Variants in TRAPPC9 observed in about 807,000 individuals in gnomAD.
TRAPPC9 encodes the protein IKK2 binding protein.
Under a neutral mutation model 124.0 loss-of-function variants are expected in TRAPPC9, and 83 were observed. That is an observed-to-expected ratio of 0.67 (90% CI 0.56 to 0.80). TRAPPC9 has a LOEUF of 0.80. Among genes scored for constraint, TRAPPC9 ranks in the 30% least tolerant of loss-of-function variants. The probability of loss-of-function intolerance (pLI) is 0.00; values close to 1 mark genes in which losing one functional copy is unlikely to be tolerated. For missense variants in TRAPPC9, 1,302 were observed against 1,508.3 expected, an observed-to-expected ratio of 0.86 and a Z score of 2.27; for synonymous variants, 638 against 617.5, an observed-to-expected ratio of 1.03 and a Z score of -0.49.
intron 19 of TRAPPC9, among the ~76,000 whole-genome samples, chr8:139,945,789 T>G (rs977626576): frequency 6.6e-6 from 1 of 152,180 alleles, no homozygotes; most frequent in African/African-American, 2.4e-5. Context: ...TCGACTCTAG[T>G]GAAGGATGTA....
rs267607136 is a variant in TRAPPC9, at chr8:140,397,625, G to C, written c.1129C>G (p.Arg377Gly). 1 of 1,614,018 alleles carries C rather than the reference G, an allele frequency of 6.2e-7. No homozygotes were observed. Among genetic ancestry groups the C allele is most frequent in the Non-Finnish European group, 8.5e-7 (1 of 1,179,954 alleles). The change falls in exon 7 of 23, where the codon CGA (arginine) becomes GGA (glycine). Residue 377 changes from arginine to glycine, a missense_variant. Physicochemically the swap from Arg to Gly is moderately radical, Grantham distance 125. This residue lies in a region of TRAPPC9 where 657 missense variants were observed against 811.2 expected (regional missense o/e 0.81). Transcript: ENST00000438773. Reference protein sequence around the residue: ...FLQNAVYINLRQLSEEEKIQR... With the variant: ...FLQNAVYINLGQLSEEEKIQR... ...ACAGGTAGACATACACTCACCTGTC[G>C]AAGGTTAATGTAAACTGCATTCTGA...
At chr8:139,977,795 C>T (rs13259016) in intron 19 of TRAPPC9, among the ~76,000 whole-genome samples, 75,033 of 151,120 alleles carry the variant, frequency 0.5, 19,610 homozygotes, top group Middle Eastern at 0.63. Flanking sequence ...ATTCCCCTGC[C>T]TTAGCCTCCC....
chr8:140,015,240 G>A (rs372179417), intron 18 of TRAPPC9, among the ~76,000 whole-genome samples: 1 of 152,202 alleles, frequency 6.6e-6, no homozygotes, highest in South Asian at 2.1e-4. Context: ...CTAGATGCCA[G>A]CCCTGTCACC....
At chr8:139,861,855 G>C (rs919961974) in intron 21 of TRAPPC9, among the ~76,000 whole-genome samples, 2 of 152,040 alleles carry the variant, frequency 1.3e-5, no homozygotes, top group African/African-American at 4.8e-5. Context: ...ACAAAAGCAG[G>C]GGTCTTCACC....
chr8:139,903,778 C>A (rs987894710), intron 20 of TRAPPC9, among the ~76,000 whole-genome samples: 1 of 152,182 alleles, frequency 6.6e-6, no homozygotes. Flanking sequence ...TGGTGGCTCA[C>A]ACCTATAATC....
At chr8:139,989,424 C>G (rs576358230) in intron 18 of TRAPPC9, among the ~76,000 whole-genome samples, 1 of 152,362 alleles carries the variant, frequency 6.6e-6, no homozygotes, top group East Asian at 1.9e-4. Flanking sequence ...TTTGTTTCCT[C>G]TCCTCCAGAG....
At chr8:140,452,716 T>C (rs1402594563) in intron 1 of TRAPPC9, among the ~76,000 whole-genome samples, 2 of 152,180 alleles carry the variant, frequency 1.3e-5, no homozygotes, top group African/African-American at 4.8e-5. Context: ...CAATACATGT[T>C]TGTTGAAGGG....
At chr8:139,822,182 G>T (rs150510394) in intron 21 of TRAPPC9, among the ~76,000 whole-genome samples, 14 of 152,086 alleles carry the variant, frequency 9.2e-5, no homozygotes, top group Admixed American at 4.6e-4. Context: ...GGGGAGGAGA[G>T]GTGACTTCCT....
intron 17 of TRAPPC9, among the ~76,000 whole-genome samples, chr8:140,199,889 T>C (rs1193134493): frequency 2.0e-5 from 3 of 152,086 alleles, no homozygotes; most frequent in South Asian, 2.1e-4. Flanking sequence ...CTGAAAACCA[T>C]AGGGCTAAAG....
chr8:140,267,311 G>T (rs530652717), intron 15 of TRAPPC9, among the ~76,000 whole-genome samples: 4 of 152,298 alleles, frequency 2.6e-5, no homozygotes, highest in South Asian at 4.1e-4. Context: ...ATGCAAACGT[G>T]GTCTGCAGAA....
At chr8:140,060,503 C>T (rs148979522) in intron 17 of TRAPPC9, among the ~76,000 whole-genome samples, 2 of 152,316 alleles carry the variant, frequency 1.3e-5, no homozygotes, top group South Asian at 2.1e-4. Flanking sequence ...CCTCCACCCC[C>T]GCCACTGAGC....
At chr8:139,940,884 G>C (rs1345306089) in intron 19 of TRAPPC9, among the ~76,000 whole-genome samples, 1 of 152,230 alleles carries the variant, frequency 6.6e-6, no homozygotes, top group African/African-American at 2.4e-5. Flanking sequence ...CGCTGGGCCA[G>C]GGTGAAGGGG....
At chr8:139,755,653 G>T (rs1415251720) in intron 21 of TRAPPC9, among the ~76,000 whole-genome samples, 24 of 97,814 alleles carry the variant, frequency 2.5e-4, no homozygotes, top group South Asian at 4.0e-4. Flanking sequence ...AGCCAGGGTT[G>T]GGGTATAAGG....
At chr8:140,228,219 T>C (rs1295737939) in intron 16 of TRAPPC9, among the ~76,000 whole-genome samples, 1 of 152,200 alleles carries the variant, frequency 6.6e-6, no homozygotes, top group Non-Finnish European at 1.5e-5. Context: ...ATAAAATACA[T>C]TAACAAAGGC....
At chr8:140,185,014 G>C (rs953162996) in intron 17 of TRAPPC9, among the ~76,000 whole-genome samples, 1 of 152,146 alleles carries the variant, frequency 6.6e-6, no homozygotes, top group Non-Finnish European at 1.5e-5. Flanking sequence ...ACCAGTTCTA[G>C]ACAGGAGAGC....
At chr8:140,337,175 A>G (rs1424978761) in intron 9 of TRAPPC9, among the ~76,000 whole-genome samples, 1 of 152,162 alleles carries the variant, frequency 6.6e-6, no homozygotes, top group Non-Finnish European at 1.5e-5. Context: ...GCGGAAGCCC[A>G]CCATGCCTTA....
intron 7 of TRAPPC9, among the ~76,000 whole-genome samples, chr8:140,388,022 A>G (rs187185628): frequency 0.034 from 5,161 of 152,088 alleles, 187 homozygotes; most frequent in African/African-American, 0.091. Context: ...GCACATGTAC[A>G]CCATGGAATA....
rs546787543 is a variant in TRAPPC9 at position 139,917,485 on chromosome 8, T to G, written c.2811-7185A>C. 1.4e-3 allele frequency among the ~76,000 whole-genome samples: 210 copies of G among 152,278 alleles called. 1 individual carries two copies. The highest frequency in any genetic ancestry group is 2.6e-3 in the Non-Finnish European group (176 of 68,030). Reference sequence around the variant, plus strand: ...TTGAGCCACCGCACCCGGCCATTATTATTTTCAATTAAAGGGGAAAGATAA... The same window carrying G: ...TTGAGCCACCGCACCCGGCCATTATGATTTTCAATTAAAGGGGAAAGATAA... On this transcript the variant is annotated intron_variant, in intron 19 of 22. Transcript: ENST00000438773.
chr8:140,140,928 T>C (rs1001997287), intron 17 of TRAPPC9, among the ~76,000 whole-genome samples: 2 of 152,240 alleles, frequency 1.3e-5, no homozygotes, highest in Non-Finnish European at 2.9e-5. Context: ...TCCCTCGCAA[T>C]ACTAATCATA....
Sources: allele counts gnomAD v4.1 joint callset (sites outside exome capture counted in the v4.1 genomes callset), GRCh38; gene constraint gnomAD v4.1.1; regional missense constraint gnomAD v4.1.1; transcripts MANE v1.5; gene names NCBI Gene and HGNC (gene_info 2026-07-23, HGNC 2026-07-21).